PRKCE: variants seen among roughly 807,000 people sequenced by gnomAD.
The protein encoded by PRKCE is protein kinase C epsilon type.
PRKCE carries 16 observed loss-of-function variants against 85.4 expected under a neutral mutation model. The observed-to-expected ratio is 0.19, with a 90% CI of 0.13 to 0.28. The LOEUF is 0.28. Ranked by LOEUF, PRKCE falls within the 10% of genes least tolerant of loss-of-function variation. The pLI is 1.00. For missense variants in PRKCE, 573 were observed against 975.2 expected, an observed-to-expected ratio of 0.59 and a Z score of 5.49; for synonymous variants, 388 against 371.5, an observed-to-expected ratio of 1.04 and a Z score of -0.51.
intron 2 of PRKCE, among the ~76,000 whole-genome samples, chr2:45,844,960 T>G (rs918987020): frequency 1.3e-5 from 2 of 152,212 alleles, no homozygotes; most frequent in African/African-American, 4.8e-5. Flanking sequence ...TAAATCTCTT[T>G]CATCTAAAGA....
intron 2 of PRKCE, among the ~76,000 whole-genome samples, chr2:45,950,680 C>G (rs550310775): frequency 2.7e-4 from 41 of 152,202 alleles, no homozygotes; most frequent in African/African-American, 9.2e-4. Context: ...AAGGTTACTT[C>G]AAGCACGCAG....
At chr2:46,097,578 G>T (rs1378864906) in intron 11 of PRKCE, among the ~76,000 whole-genome samples, 1 of 149,718 alleles carries the variant, frequency 6.7e-6, no homozygotes, top group African/African-American at 2.5e-5. Flanking sequence ...TCCCTGTTGG[G>T]CTCCCTTTGC....
intron 2 of PRKCE, among the ~76,000 whole-genome samples, chr2:45,880,681 G>A (rs11125040): frequency 0.53 from 80,966 of 151,866 alleles, 23,692 homozygotes; most frequent in East Asian, 0.97. Flanking sequence ...GTAGGTGCAC[G>A]ACAAATATCC....
intron 2 of PRKCE, among the ~76,000 whole-genome samples, chr2:45,852,441 C>T (rs1404494573): frequency 6.6e-6 from 1 of 152,160 alleles, no homozygotes; most frequent in Non-Finnish European, 1.5e-5. Context: ...ACTTGATTGA[C>T]CGATTCATTC....
chr2:45,881,643 A>T, intron 2 of PRKCE, among the ~76,000 whole-genome samples: 1 of 152,228 alleles, frequency 6.6e-6, no homozygotes, highest in East Asian at 1.9e-4. Context: ...CAGCATCATT[A>T]TGTGGTAGGT....
At chr2:45,798,423 C>T (rs1461430528) in intron 1 of PRKCE, among the ~76,000 whole-genome samples, 2 of 152,164 alleles carry the variant, frequency 1.3e-5, no homozygotes, top group South Asian at 2.1e-4. Context: ...CACATACATG[C>T]CTGCCCCCGA....
intron 2 of PRKCE, among the ~76,000 whole-genome samples, chr2:45,873,476 A>C (rs1694250705): frequency 6.7e-6 from 1 of 150,088 alleles, no homozygotes; most frequent in South Asian, 2.1e-4. Flanking sequence ...AAAAAAAAAA[A>C]CAAAAAAACC....
chr2:45,724,846 G>A (rs1680920437), intron 1 of PRKCE, among the ~76,000 whole-genome samples: 2 of 152,224 alleles, frequency 1.3e-5, no homozygotes, highest in African/African-American at 4.8e-5. Context: ...GCAGAGGCTA[G>A]TTTATGACGT....
chr2:46,106,830 C>A (rs1324013925), intron 11 of PRKCE, among the ~76,000 whole-genome samples: 1 of 152,196 alleles, frequency 6.6e-6, no homozygotes, highest in South Asian at 2.1e-4. Context: ...AGGGCTTCAA[C>A]ATACAAATTT....
chr2:46,051,830 G>A (rs78191284), intron 10 of PRKCE, among the ~76,000 whole-genome samples: 2,668 of 152,274 alleles, frequency 0.018, 77 homozygotes, highest in African/African-American at 0.062. Flanking sequence ...GGCTGGGGAC[G>A]CTTCAGGAAA....
intron 13 of PRKCE, among the ~76,000 whole-genome samples, chr2:46,151,932 T>C (rs1321628980): frequency 6.6e-6 from 1 of 152,202 alleles, no homozygotes; most frequent in African/African-American, 2.4e-5. Flanking sequence ...AAAGCTGAGG[T>C]ACAGGGAAGT....
At chr2:45,886,836 G>C in intron 2 of PRKCE, among the ~76,000 whole-genome samples, 1 of 152,194 alleles carries the variant, frequency 6.6e-6, no homozygotes, top group East Asian at 1.9e-4. Flanking sequence ...CTCTTTTCTT[G>C]ATTATGATTC....
intron 1 of PRKCE, among the ~76,000 whole-genome samples, chr2:45,764,435 A>G (rs1558646531): frequency 6.6e-6 from 1 of 152,222 alleles, no homozygotes; most frequent in Non-Finnish European, 1.5e-5. Context: ...TTGATTAAAT[A>G]CTTAACTAAT....
chr2:46,072,546 T>C (rs1231524433), intron 10 of PRKCE, among the ~76,000 whole-genome samples: 1 of 152,206 alleles, frequency 6.6e-6, no homozygotes, highest in Non-Finnish European at 1.5e-5. Context: ...ACCACAGCTA[T>C]CTAAACACGG....
At chr2:45,933,071 G>C (rs1699159691) in intron 2 of PRKCE, among the ~76,000 whole-genome samples, 1 of 152,132 alleles carries the variant, frequency 6.6e-6, no homozygotes, top group Admixed American at 6.5e-5. Context: ...TGATGTCTTT[G>C]CATTGCTCTT....
intron 1 of PRKCE, among the ~76,000 whole-genome samples, chr2:45,722,258 G>A (rs928495895): frequency 1.3e-5 from 2 of 151,954 alleles, no homozygotes; most frequent in African/African-American, 4.8e-5. Context: ...TATTCTTTAA[G>A]TTCTAGGGTC....
intron 10 of PRKCE, 92 bp from the exon 11 acceptor site, chr2:46,086,116 C>A: frequency 7.3e-7 from 1 of 1,377,230 alleles, no homozygotes. Context: ...CCCCTTGAGT[C>A]TTGGTAACCT....
At chr2:46,052,369 CA>C (rs1708910158) in intron 10 of PRKCE, among the ~76,000 whole-genome samples, 1 of 152,046 alleles carries the variant, frequency 6.6e-6, no homozygotes, top group African/African-American at 2.4e-5. Context: ...AATCCAAAGG[CA>C]AAATTAAGAA....
rs193181673 is a variant in PRKCE, at chr2:45,705,559, G to A, written c.348+53111G>A. ...GTTACAGGCTTATTGGAAGGAGGGAGGCATGACAAATCTTAAGGATTGTCT... is the reference window on the plus strand; with the variant it reads ...GTTACAGGCTTATTGGAAGGAGGGAAGCATGACAAATCTTAAGGATTGTCT... On this transcript the variant is annotated intron_variant, in intron 1 of 14. Transcript: ENST00000306156. 3.1e-4 allele frequency among the ~76,000 whole-genome samples: 47 copies of A among 152,308 alleles called. 1 individual carries two copies. Among genetic ancestry groups the A allele is most frequent in the African/African-American group, 1.1e-3 (45 of 41,558 alleles).
Sources: allele counts gnomAD v4.1 joint callset (sites outside exome capture counted in the v4.1 genomes callset), GRCh38; gene constraint gnomAD v4.1.1; transcripts MANE v1.5; gene names NCBI Gene and HGNC (gene_info 2026-07-23, HGNC 2026-07-21).